Variants in SEC22C observed in about 807,000 individuals in gnomAD.
SEC22C encodes vesicle-trafficking protein SEC22c.
A neutral mutation model predicts 34.7 loss-of-function variants in SEC22C; 29 were observed. The observed-to-expected ratio is 0.84, with a 90% CI of 0.62 to 1.14. SEC22C has a LOEUF of 1.14. Ranked by LOEUF, SEC22C falls within the 50% of genes most tolerant of loss-of-function variation. The pLI, the probability that SEC22C is intolerant of heterozygous loss-of-function variation, is 0.00. For synonymous variants in SEC22C, 117 were observed against 132.8 expected (o/e 0.88, Z 0.82); for missense variants, 337 against 369.0 (o/e 0.91, Z 0.71).
chr3:42,548,520 C>T lies in SEC22C; in HGVS notation c.*4728G>A. 4.2e-6 allele frequency: 6 copies of T among 1,415,664 alleles called. No individual in the cohort carries two copies. The highest frequency in any genetic ancestry group is 6.0e-6 in the Non-Finnish European group (6 of 1,006,656). 87.7% of individuals were successfully genotyped at this position (1,415,664 alleles called of 1,614,324 possible). On this transcript the variant is annotated 3_prime_UTR_variant, in exon 7 of 7. Coordinates refer to ENST00000264454, the MANE Select transcript of SEC22C (RefSeq NM_032970.4). The stretch of plus-strand genomic sequence containing the variant: ...CTGACATGCCCTTTTCCACAGGCTC[C>T]CTGCTGATGAGATTTCCCCAGCAGC...
intron 1 of SEC22C, among the ~76,000 whole-genome samples, chr3:42,574,577 G>A (rs751394371): frequency 2.6e-5 from 4 of 151,910 alleles, no homozygotes; most frequent in Admixed American, 1.3e-4. Flanking sequence ...AATTATGTTC[G>A]GTGAATGAAG....
chr3:42,560,733 G>A (rs1702849448), intron 4 of SEC22C, among the ~76,000 whole-genome samples: 1 of 151,934 alleles, frequency 6.6e-6, no homozygotes, highest in Admixed American at 6.6e-5. Context: ...CGACTTCCCG[G>A]GCTCAGGTGA....
chr3:42,565,435 A>G (rs897710887), intron 2 of SEC22C, among the ~76,000 whole-genome samples: 11 of 152,290 alleles, frequency 7.2e-5, no homozygotes, highest in African/African-American at 2.6e-4. Flanking sequence ...AGGTGTTTCT[A>G]TTTGAAAGAG....
chr3:42,548,348 G>C lies in SEC22C; in HGVS notation c.*4900C>G, dbSNP rs891415141. 4.1e-6 allele frequency: 2 copies of C among 489,838 alleles called. No homozygotes were observed. The highest frequency in any genetic ancestry group is 1.9e-5 in the African/African-American group (1 of 52,382). 30.3% of individuals were successfully genotyped at this position (489,838 alleles called of 1,614,324 possible). On this transcript the variant is annotated 3_prime_UTR_variant, in exon 7 of 7. Transcript: ENST00000264454. ...AACCCCAGAATCATATAAATGTAAG[G>C]GTTAAAGGTCATATGTACTAAGCAT... is the stretch of plus-strand genomic sequence containing the variant.
In SEC22C at chr3:42,563,643, A is replaced by G; in HGVS notation, c.226T>C (p.Cys76Arg). The change falls in exon 3 of 7, where the codon TGC becomes CGC. Residue 76 changes from cysteine to arginine, a missense_variant. By Grantham distance (180) the Cys-to-Arg change is radical. Coordinates refer to ENST00000264454, the MANE Select transcript of SEC22C (RefSeq NM_032970.4). ...GDVACMAICSCQCPAAMAFCF... is the reference protein window; with the variant it reads ...GDVACMAICSRQCPAAMAFCF... ...AAGGCCATGGCTGCTGGACACTGGC[A>G]GGAGCAGATAGCCATGCAGGCCACG... The G allele has an allele frequency of 6.2e-7, 1 of 1,614,194 alleles. No homozygotes were observed. Among genetic ancestry groups the G allele is most frequent in the Non-Finnish European group, 8.5e-7 (1 of 1,180,016 alleles).
chr3:42,590,833 G>A, intron 1 of SEC22C: 1 of 1,550,534 alleles, frequency 6.4e-7, no homozygotes, highest in Non-Finnish European at 8.9e-7. Context: ...TCAACTTCGA[G>A]AGCGTAGGCC....
chr3:42,559,153 T>C (rs1463162349), intron 4 of SEC22C, among the ~76,000 whole-genome samples: 1 of 152,252 alleles, frequency 6.6e-6, no homozygotes, highest in East Asian at 1.9e-4. Flanking sequence ...ATTCTCTCGC[T>C]ATACTCCTTT....
rs374546584 is a variant in SEC22C, at chr3:42,550,917, G to A, written c.*2331C>T. The A allele has an allele frequency of 1.8e-5, 17 of 922,190 alleles. No homozygotes were observed. In the African/African-American group the frequency reaches 3.0e-4, roughly 16 times the overall value. The allele number at this position is 922,190 out of a possible 1,614,324, so 57.1% of individuals were successfully genotyped here. ...CGGAGTCTTGCTTTGTCACCAGGCT[G>A]GAGTGCAGTGGCTCGATCTCGGCTC... On this transcript the variant is annotated 3_prime_UTR_variant, in exon 7 of 7. Coordinates refer to ENST00000264454, the MANE Select transcript of SEC22C (RefSeq NM_032970.4).
intron 1 of SEC22C, among the ~76,000 whole-genome samples, chr3:42,577,396 AAGAACTCTT>A (rs1704034568): frequency 6.6e-6 from 1 of 152,250 alleles, no homozygotes; most frequent in South Asian, 2.1e-4. Flanking sequence ...AGAATGTATA[AAGAACTCTT>A]GAAATTCAAC....
At position 42,552,677 on chromosome 3, in the gene SEC22C, T is replaced by G; in HGVS notation, c.*571A>C. The G allele has an allele frequency of 1.0e-6, 1 of 982,526 alleles. No individual in the cohort carries two copies. Among genetic ancestry groups the G allele is most frequent in the Non-Finnish European group, 1.2e-6 (1 of 827,290 alleles). 60.9% of individuals were successfully genotyped at this position (982,526 alleles called of 1,614,324 possible). ...CACCCTAAATGAAGTCCAATTTATA[T>G]CCAAAATATAATTAAATATTCCAAA... On this transcript the variant is annotated 3_prime_UTR_variant, in exon 7 of 7. Transcript: ENST00000264454.
chr3:42,554,120 C>G (rs1274799952), intron 6 of SEC22C, among the ~76,000 whole-genome samples: 2 of 151,676 alleles, frequency 1.3e-5, no homozygotes. Context: ...AAGGACATCA[C>G]TGAACATGGA....
chr3:42,573,099 A>G (rs992921754), intron 1 of SEC22C, among the ~76,000 whole-genome samples: 2 of 151,836 alleles, frequency 1.3e-5, no homozygotes, highest in African/African-American at 4.8e-5. Flanking sequence ...TGATCCTCCC[A>G]CCTCGGCCTC....
Position 42,567,426 on chromosome 3 carries a change from C to T in SEC22C, c.182+1439G>A, listed in dbSNP as rs534872251. On this transcript the variant is annotated intron_variant, in intron 2 of 6. Coordinates refer to ENST00000264454, the MANE Select transcript of SEC22C (RefSeq NM_032970.4). ...ACCCATAAGAAGCAGACTTTGGTGCCTAACTGCCTGCATTCAAATCCTGGG... is the reference window on the plus strand; with the variant it reads ...ACCCATAAGAAGCAGACTTTGGTGCTTAACTGCCTGCATTCAAATCCTGGG... Among the ~76,000 whole-genome samples the T allele has an allele frequency of 1.2e-4, 18 of 152,298 alleles. No individual in the cohort carries two copies. The South Asian group carries it at 3.7e-3, about 32-fold the overall frequency.
At chr3:42,596,633 A>C (rs778442134) in intron 1 of SEC22C, among the ~76,000 whole-genome samples, 10 of 152,244 alleles carry the variant, frequency 6.6e-5, no homozygotes, top group Non-Finnish European at 1.5e-4. Flanking sequence ...GAGTTTCTTC[A>C]CCTTAATCAC....
At chr3:42,560,542 G>T (rs952917024) in intron 4 of SEC22C, among the ~76,000 whole-genome samples, 13 of 150,600 alleles carry the variant, frequency 8.6e-5, no homozygotes, top group African/African-American at 2.9e-4. Flanking sequence ...AGAAGAAGAA[G>T]GAAAAGAAAA....
At chr3:42,559,792 A>G (rs1702758420) in intron 4 of SEC22C, among the ~76,000 whole-genome samples, 1 of 152,338 alleles carries the variant, frequency 6.6e-6, no homozygotes, top group Admixed American at 6.5e-5. Flanking sequence ...AACTATAAAC[A>G]GGAATGCAAA....
At chr3:42,596,634 C>T (rs1266596985) in intron 1 of SEC22C, among the ~76,000 whole-genome samples, 1 of 152,182 alleles carries the variant, frequency 6.6e-6, no homozygotes, top group African/African-American at 2.4e-5. Context: ...AGTTTCTTCA[C>T]CTTAATCACA....
chr3:42,584,510 C>G (rs2125734746), upstream of SEC22C, among the ~76,000 whole-genome samples: 1 of 152,318 alleles, frequency 6.6e-6, no homozygotes, highest in East Asian at 1.9e-4. Flanking sequence ...CCCGCCTTGG[C>G]CTCCCTAAGT....
At chr3:42,595,757 G>A (rs533992231) in intron 1 of SEC22C, among the ~76,000 whole-genome samples, 2 of 152,182 alleles carry the variant, frequency 1.3e-5, no homozygotes, top group East Asian at 3.9e-4. Context: ...TGGAGTCAAG[G>A]GTTGCAACCT....
Sources: allele counts gnomAD v4.1 joint callset (sites outside exome capture counted in the v4.1 genomes callset), GRCh38; gene constraint gnomAD v4.1.1; transcripts MANE v1.5; gene names NCBI Gene and HGNC (gene_info 2026-07-23, HGNC 2026-07-21).